Variants in PTPRD observed in about 807,000 individuals in gnomAD.
The protein encoded by PTPRD is protein tyrosine phosphatase receptor type D.
Under a neutral mutation model 214.5 loss-of-function variants are expected in PTPRD, and 34 were observed. The ratio of observed to expected loss-of-function variants is 0.16; its 90% CI spans 0.12 to 0.21. PTPRD has a LOEUF of 0.21. Ranked by LOEUF, PTPRD falls within the 10% of genes least tolerant of loss-of-function variation. PTPRD has a pLI of 1.00. For missense variants in PTPRD, 2,545 were observed against 2,398.7 expected, an observed-to-expected ratio of 1.06 and a Z score of -1.27; for synonymous variants, 1,128 against 845.7, an observed-to-expected ratio of 1.33 and a Z score of -5.79.
At chr9:8,564,862 A>G (rs1000976478) in intron 14 of PTPRD, among the ~76,000 whole-genome samples, 25 of 152,126 alleles carry the variant, frequency 1.6e-4, no homozygotes, top group Non-Finnish European at 3.7e-4. Context: ...TTTTTTTTAA[A>G]GGGCCTAAAT....
chr9:10,026,861 G>A (rs2096932456), intron 4 of PTPRD, among the ~76,000 whole-genome samples: 1 of 149,066 alleles, frequency 6.7e-6, no homozygotes, highest in Non-Finnish European at 1.5e-5. Flanking sequence ...TTTAGTGAGT[G>A]TCTTTCAAAA....
chr9:10,483,008 G>C (rs182786014), intron 2 of PTPRD, among the ~76,000 whole-genome samples: 1 of 152,126 alleles, frequency 6.6e-6, no homozygotes, highest in African/African-American at 2.4e-5. Context: ...AACAAATCTG[G>C]AGGCATCGTA....
At chr9:10,129,703 C>T (rs10958903) in intron 3 of PTPRD, among the ~76,000 whole-genome samples, 26,664 of 151,824 alleles carry the variant, frequency 0.18, 2,577 homozygotes, top group South Asian at 0.27. Flanking sequence ...ATTATAATTA[C>T]CGTTCTGTCA....
At chr9:9,050,697 T>A (rs1224277474) in intron 10 of PTPRD, among the ~76,000 whole-genome samples, 1 of 17,280 alleles carries the variant, frequency 5.8e-5, no homozygotes, top group Non-Finnish European at 3.0e-3. Flanking sequence ...GCTACCTACC[T>A]CTTAGTAGCT....
At chr9:8,887,757 T>C (rs2098503729) in intron 11 of PTPRD, among the ~76,000 whole-genome samples, 1 of 152,210 alleles carries the variant, frequency 6.6e-6, no homozygotes, top group Non-Finnish European at 1.5e-5. Context: ...GAGTTTTCAA[T>C]TGTTGATATG....
chr9:9,390,013 G>A (rs1227017215), intron 9 of PTPRD, among the ~76,000 whole-genome samples: 1 of 152,146 alleles, frequency 6.6e-6, no homozygotes, highest in Non-Finnish European at 1.5e-5. Flanking sequence ...AGACAGAGGT[G>A]GGAGAAAAGC....
intron 4 of PTPRD, among the ~76,000 whole-genome samples, chr9:9,955,830 T>A (rs760355504): frequency 4.6e-5 from 7 of 151,936 alleles, no homozygotes; most frequent in Non-Finnish European, 8.8e-5. Flanking sequence ...CCTATTTGGG[T>A]TCTTAAGAAA....
chr9:9,621,012 C>G (rs576077223), intron 7 of PTPRD, among the ~76,000 whole-genome samples: 1 of 152,260 alleles, frequency 6.6e-6, no homozygotes, highest in African/African-American at 2.4e-5. Context: ...AGACCCAATT[C>G]CCCTTGTGTT....
At chr9:9,459,315 C>G (rs575369463) in intron 8 of PTPRD, among the ~76,000 whole-genome samples, 2 of 152,058 alleles carry the variant, frequency 1.3e-5, no homozygotes, top group Non-Finnish European at 2.9e-5. Context: ...TACACTTTTA[C>G]CACTCCTATT....
At chr9:10,393,602 G>C (rs1197834093) in intron 2 of PTPRD, among the ~76,000 whole-genome samples, 2 of 149,714 alleles carry the variant, frequency 1.3e-5, no homozygotes, top group Non-Finnish European at 3.0e-5. Context: ...GCTAGTCTGG[G>C]CAATATAGCA....
At chr9:8,952,394 T>C (rs1052436950) in intron 11 of PTPRD, among the ~76,000 whole-genome samples, 1 of 152,002 alleles carries the variant, frequency 6.6e-6, no homozygotes, top group African/African-American at 2.4e-5. Flanking sequence ...CACAGGGCAA[T>C]TTTTCTTGAA....
chr9:8,427,122 T>C (rs940813131), intron 35 of PTPRD, among the ~76,000 whole-genome samples: 1 of 152,166 alleles, frequency 6.6e-6, no homozygotes, highest in Non-Finnish European at 1.5e-5. Context: ...TGTTCTCAGA[T>C]GGCCGACTGG....
intron 10 of PTPRD, among the ~76,000 whole-genome samples, chr9:9,045,171 T>C (rs1370691812): frequency 1.3e-5 from 2 of 152,146 alleles, no homozygotes; most frequent in Non-Finnish European, 2.9e-5. Context: ...AGCACTTAGA[T>C]GAATTACAAG....
At chr9:10,433,761 C>A (rs1266581322) in intron 2 of PTPRD, among the ~76,000 whole-genome samples, 1 of 151,770 alleles carries the variant, frequency 6.6e-6, no homozygotes, top group South Asian at 2.1e-4. Context: ...ATATTTTTAA[C>A]ATAAATATTT....
intron 11 of PTPRD, among the ~76,000 whole-genome samples, chr9:8,995,370 A>G (rs1189685950): frequency 6.6e-6 from 1 of 152,110 alleles, no homozygotes; most frequent in Non-Finnish European, 1.5e-5. Context: ...CATTTTCCTC[A>G]TCCTCCAAGT....
intron 9 of PTPRD, among the ~76,000 whole-genome samples, chr9:9,304,152 A>C (rs1956351457): frequency 6.6e-6 from 1 of 152,156 alleles, no homozygotes. Flanking sequence ...GATTGAGCTT[A>C]GAATCTAAAA....
chr9:9,809,661 T>G (rs963222331), intron 5 of PTPRD, among the ~76,000 whole-genome samples: 1 of 151,868 alleles, frequency 6.6e-6, no homozygotes, highest in Non-Finnish European at 1.5e-5. Flanking sequence ...GAATTAGGAG[T>G]GAGAATGTAA....
intron 6 of PTPRD, among the ~76,000 whole-genome samples, chr9:9,766,024 C>T (rs147704211): frequency 5.5e-4 from 83 of 152,242 alleles, no homozygotes; most frequent in Non-Finnish European, 9.9e-4. Context: ...TTAGAGAAGC[C>T]GTGATAATTA....
At chr9:9,643,078 G>T (rs1055577832) in intron 7 of PTPRD, among the ~76,000 whole-genome samples, 1 of 152,178 alleles carries the variant, frequency 6.6e-6, no homozygotes, top group Non-Finnish European at 1.5e-5. Flanking sequence ...TGACAGAGAG[G>T]GAGAGAGAGA....
Sources: gnomAD v4.1 joint callset for allele counts (sites outside exome capture counted in the v4.1 genomes callset) on GRCh38, gnomAD v4.1.1 for gene constraint, MANE v1.5 for transcripts, NCBI Gene and HGNC (gene_info 2026-07-23, HGNC 2026-07-21) for gene names.